NLGN1: variants seen among roughly 807,000 people sequenced by gnomAD.
NLGN1 encodes neuroligin 1.
In NLGN1, 12 loss-of-function variants were observed where a neutral mutation model predicts 65.5. The ratio of observed to expected loss-of-function variants is 0.18; its 90% CI spans 0.12 to 0.30. The LOEUF (loss-of-function observed/expected upper bound fraction) is 0.30, where lower values mean the gene tolerates loss of function less well. Among genes scored for constraint, NLGN1 ranks in the 10% least tolerant of loss-of-function variants. The pLI is 1.00. For synonymous variants in NLGN1, 350 were observed against 359.5 expected (o/e 0.97, Z 0.30); for missense variants, 750 against 1,007.1 (o/e 0.74, Z 3.46).
intron 4 of NLGN1, among the ~76,000 whole-genome samples, chr3:174,254,646 A>G (rs1262676530): frequency 6.6e-6 from 1 of 152,088 alleles, no homozygotes; most frequent in Non-Finnish European, 1.5e-5. Flanking sequence ...TTATCTACGT[A>G]ATGTCAGGAA....
intron 2 of NLGN1, among the ~76,000 whole-genome samples, chr3:173,469,669 G>A (rs1259638702): frequency 8.6e-5 from 13 of 151,398 alleles, no homozygotes; most frequent in Non-Finnish European, 1.5e-5. Context: ...TCACAATGGT[G>A]TGTAACCACC....
chr3:173,403,705 T>G (rs974699294), intron 1 of NLGN1, among the ~76,000 whole-genome samples: 2 of 152,204 alleles, frequency 1.3e-5, no homozygotes, highest in African/African-American at 4.8e-5. Context: ...TTAATCATCT[T>G]CTTTTACTCT....
At chr3:173,460,470 A>G (rs1723197449) in intron 2 of NLGN1, among the ~76,000 whole-genome samples, 1 of 152,154 alleles carries the variant, frequency 6.6e-6, no homozygotes, top group Non-Finnish European at 1.5e-5. Context: ...TAATAGTTCA[A>G]CCAGCTAAGA....
intron 4 of NLGN1, among the ~76,000 whole-genome samples, chr3:174,130,865 T>C (rs1226341076): frequency 6.6e-6 from 1 of 152,190 alleles, no homozygotes; most frequent in Non-Finnish European, 1.5e-5. Flanking sequence ...CTTCAGTTAA[T>C]GGCAGAAACT....
intron 3 of NLGN1, among the ~76,000 whole-genome samples, chr3:173,697,988 A>C (rs1315160619): frequency 4.6e-5 from 7 of 151,256 alleles, no homozygotes; most frequent in Admixed American, 4.6e-4. Context: ...ATTGCAGTGG[A>C]TGGTAACCAG....
At chr3:173,512,326 A>T (rs566089809) in intron 2 of NLGN1, among the ~76,000 whole-genome samples, 1 of 152,302 alleles carries the variant, frequency 6.6e-6, no homozygotes, top group Admixed American at 6.5e-5. Context: ...GAATTGAAAG[A>T]TGGTGAATGT....
chr3:173,628,259 A>G (rs1755114264), intron 3 of NLGN1, among the ~76,000 whole-genome samples: 1 of 152,126 alleles, frequency 6.6e-6, no homozygotes, highest in African/African-American at 2.4e-5. Context: ...GTCATTTGAT[A>G]TCAACTTTAG....
rs540898229 is a variant in NLGN1 at position 173,903,385 on chromosome 3, G to A, written c.646+95553G>A. On this transcript the variant is annotated intron_variant, in intron 4 of 6. Transcript: ENST00000457714. ...CAAGAATGGTGTGGACAGATGACAAGCCTTTTACCTTTAGTCATATATGTG... is the reference window on the plus strand; with the variant it reads ...CAAGAATGGTGTGGACAGATGACAAACCTTTTACCTTTAGTCATATATGTG... 2.4e-4 allele frequency among the ~76,000 whole-genome samples: 37 copies of A among 152,176 alleles called. 1 individual carries two copies. The highest frequency in any genetic ancestry group is 8.8e-5 in the Non-Finnish European group (6 of 67,994).
chr3:173,952,394 G>C (rs1748383878), intron 4 of NLGN1, among the ~76,000 whole-genome samples: 1 of 152,184 alleles, frequency 6.6e-6, no homozygotes, highest in Non-Finnish European at 1.5e-5. Flanking sequence ...ACAAGGAATA[G>C]TCTTCGTGAC....
chr3:173,733,064 A>T (rs1429122648), intron 3 of NLGN1, among the ~76,000 whole-genome samples: 9 of 152,120 alleles, frequency 5.9e-5, no homozygotes, highest in Admixed American at 5.9e-4. Context: ...TTTGGTTTAA[A>T]TACGAGATGG....
At chr3:173,486,852 AATATT>A (rs1728252077) in intron 2 of NLGN1, among the ~76,000 whole-genome samples, 1 of 151,930 alleles carries the variant, frequency 6.6e-6, no homozygotes, top group Non-Finnish European at 1.5e-5. Flanking sequence ...CTAATAAATT[AATATT>A]ATATTTAAAA....
At chr3:173,925,201 T>C (rs1420295898) in intron 4 of NLGN1, among the ~76,000 whole-genome samples, 1 of 152,146 alleles carries the variant, frequency 6.6e-6, no homozygotes, top group African/African-American at 2.4e-5. Context: ...AGTAATGTTA[T>C]CCATTTTTAA....
intron 4 of NLGN1, among the ~76,000 whole-genome samples, chr3:173,929,672 A>G (rs948499082): frequency 6.7e-6 from 1 of 150,130 alleles, no homozygotes; most frequent in East Asian, 1.9e-4. Context: ...TGTCTACCCA[A>G]TAAGCTTTTT....
chr3:174,023,683 CT>C (rs1227582958), intron 4 of NLGN1, among the ~76,000 whole-genome samples: 1 of 152,046 alleles, frequency 6.6e-6, no homozygotes, highest in Admixed American at 6.6e-5. Context: ...GGTTGGAGCG[CT>C]GTAATGTCTA....
chr3:174,167,589 C>T (rs1391513843), intron 4 of NLGN1, among the ~76,000 whole-genome samples: 1 of 132,878 alleles, frequency 7.5e-6, no homozygotes, highest in Non-Finnish European at 1.5e-5. Context: ...ATGTGATCTG[C>T]CCCCTTTTTT....
chr3:174,267,819 C>A (rs1289000221), intron 4 of NLGN1, among the ~76,000 whole-genome samples: 1 of 152,002 alleles, frequency 6.6e-6, no homozygotes, highest in Non-Finnish European at 1.5e-5. Context: ...TTAATGCTGT[C>A]CTTTATTCAG....
At chr3:173,480,318 G>T (rs1457329034) in intron 2 of NLGN1, among the ~76,000 whole-genome samples, 2 of 152,032 alleles carry the variant, frequency 1.3e-5, no homozygotes, top group Non-Finnish European at 2.9e-5. Context: ...TCCTGGAAAA[G>T]AAATGACGAA....
chr3:174,003,336 T>C (rs979787833), intron 4 of NLGN1, among the ~76,000 whole-genome samples: 3 of 152,160 alleles, frequency 2.0e-5, no homozygotes, highest in African/African-American at 7.2e-5. Context: ...TGAAGCAAAG[T>C]TATTAAATCC....
intron 4 of NLGN1, among the ~76,000 whole-genome samples, chr3:173,946,669 C>T (rs1357233008): frequency 1.3e-5 from 2 of 152,092 alleles, no homozygotes; most frequent in East Asian, 1.9e-4. Flanking sequence ...ACTGCCCTAC[C>T]GAAAGATTAA....
Sources: gnomAD v4.1 joint callset for allele counts (sites outside exome capture counted in the v4.1 genomes callset) on GRCh38, gnomAD v4.1.1 for gene constraint, MANE v1.5 for transcripts, NCBI Gene and HGNC (gene_info 2026-07-23, HGNC 2026-07-21) for gene names.